Variants in ZNF253 observed in about 807,000 individuals in gnomAD.
The protein encoded by ZNF253 is zinc finger protein 253, also known as DNA-binding protein.
In ZNF253, 8 loss-of-function variants were observed where a neutral mutation model predicts 11.9. The ratio of observed to expected loss-of-function variants is 0.67; its 90% CI spans 0.40 to 1.22. The LOEUF (loss-of-function observed/expected upper bound fraction) is 1.22. Ranked by LOEUF, ZNF253 falls within the 50% of genes most tolerant of loss-of-function variation. The pLI, the probability that ZNF253 is intolerant of heterozygous loss-of-function variation, is 0.01. For synonymous variants in ZNF253, 194 were observed against 194.9 expected, an observed-to-expected ratio of 1.00 and a Z score of 0.04; for missense variants, 485 against 586.9, an observed-to-expected ratio of 0.83 and a Z score of 1.79.
chr19:19,881,722 C>T (rs2063178620), intron 3 of ZNF253, among the ~76,000 whole-genome samples: 1 of 150,306 alleles, frequency 6.7e-6, no homozygotes, highest in Non-Finnish European at 1.5e-5. Context: ...TGCTAATTTA[C>T]TGACTGTATT....
rs961853023 is a variant in ZNF253 at position 19,894,359 on chromosome 19, T to G, written c.*1612T>G. 2.6e-5 allele frequency: 4 copies of G among 152,212 alleles called. No individual in the cohort carries two copies. Among genetic ancestry groups the G allele is most frequent in the Non-Finnish European group, 5.9e-5 (4 of 68,036 alleles). 9.4% of individuals were successfully genotyped at this position (152,212 alleles called of 1,614,324 possible). On this transcript the variant is annotated 3_prime_UTR_variant, in exon 4 of 4. Transcript: ENST00000589717. ...AGCATGTGATCAATTGTTGCTGCAT[T>G]AGAGATATTAGAGATTGTTTTTTAT...
chr19:19,892,982 T>C lies in ZNF253; in HGVS notation c.*235T>C. 1 of 427,324 alleles carries C rather than the reference T, an allele frequency of 2.3e-6. No homozygotes were observed. 26.5% of individuals were successfully genotyped at this position (427,324 alleles called of 1,614,324 possible). On this transcript the variant is annotated 3_prime_UTR_variant, in exon 4 of 4. Transcript: ENST00000589717. ...CTATAAACCTATAACAAGTTCTCAA[T>C]TCCTTTTTTTTTGAGATGGAGTTTC...
At chr19:19,871,441 G>A (rs1343298152) in intron 1 of ZNF253, 1 of 152,214 alleles carries the variant, frequency 6.6e-6, no homozygotes, top group East Asian at 1.9e-4. Context: ...CTGTAGCCCA[G>A]TGCCAGGGAG....
chr19:19,891,898 A>T lies in ZNF253; in HGVS notation c.651A>T (p.Thr217=). 1 of 1,614,044 alleles carries T rather than the reference A, an allele frequency of 6.2e-7. No homozygotes were observed. Reference sequence around the variant, plus strand: ...TTAACCAATCTGCAAACCTTACTACACATAAGAGAATTCATACCGGAGAGA... The same window carrying T: ...TTAACCAATCTGCAAACCTTACTACTCATAAGAGAATTCATACCGGAGAGA... ...KAFNQSANLT[T]HKRIHTGEKP... is the part of the protein sequence containing the mutation. Residue 217 remains threonine (T), a synonymous_variant, in exon 4 of 4, where the codon ACA becomes ACT. Coordinates refer to ENST00000589717, the MANE Select transcript of ZNF253 (RefSeq NM_021047.3).
chr19:19,889,430 T>C (rs866441280), intron 3 of ZNF253, among the ~76,000 whole-genome samples: 6 of 152,146 alleles, frequency 3.9e-5, no homozygotes, highest in Admixed American at 6.5e-5. Flanking sequence ...CACTGTAACC[T>C]ACCCCTCCCA....
intron 2 of ZNF253, among the ~76,000 whole-genome samples, chr19:19,879,783 C>T (rs10415179): frequency 0.37 from 56,931 of 151,968 alleles, 13,005 homozygotes; most frequent in East Asian, 0.66. Context: ...TTAGTGGTAA[C>T]TCCAGAAATT....
rs199902926 is a variant in ZNF253, at chr19:19,866,049, G to A, written c.3+50G>A. 4.3e-6 allele frequency: 7 copies of A among 1,613,136 alleles called. No homozygotes were observed. In the East Asian group the frequency reaches 6.7e-5, roughly 15 times the overall value. On this transcript the variant is annotated intron_variant, in intron 1 of 3. Coordinates refer to ENST00000589717, the MANE Select transcript of ZNF253 (RefSeq NM_021047.3). Reference sequence around the variant, plus strand: ...AGAGAGGGGAGAGGCTGTTTGGAACGGTGGGAAGTGGCTCTGGCGGGACTC... The same window carrying A: ...AGAGAGGGGAGAGGCTGTTTGGAACAGTGGGAAGTGGCTCTGGCGGGACTC...
chr19:19,883,436 A>C (rs2063186119), intron 3 of ZNF253, among the ~76,000 whole-genome samples: 1 of 151,602 alleles, frequency 6.6e-6, no homozygotes, highest in African/African-American at 2.4e-5. Flanking sequence ...ATATATGGAG[A>C]CCTCTCTCTA....
chr19:19,888,963 T>G (rs1290839835), intron 3 of ZNF253, among the ~76,000 whole-genome samples: 1 of 152,164 alleles, frequency 6.6e-6, no homozygotes, highest in African/African-American at 2.4e-5. Context: ...TAGTACAATT[T>G]TGCCGATGGT....
intron 1 of ZNF253, among the ~76,000 whole-genome samples, chr19:19,874,045 A>G (rs2063145005): frequency 6.6e-6 from 1 of 151,982 alleles, no homozygotes; most frequent in South Asian, 2.1e-4. Context: ...AGTGTCCGGG[A>G]TTACAGGTGC....
chr19:19,880,194 C>A, intron 3 of ZNF253, 48 bp downstream of exon 3: 1 of 1,417,398 alleles, frequency 7.1e-7, no homozygotes, highest in Non-Finnish European at 9.7e-7. Flanking sequence ...GATAAAAGGT[C>A]CCAATGTCAA....
chr19:19,868,433 C>T (rs2063120115), intron 1 of ZNF253, among the ~76,000 whole-genome samples: 1 of 152,102 alleles, frequency 6.6e-6, no homozygotes, highest in Admixed American at 6.5e-5. Context: ...ATTCCAGCAC[C>T]ATTTATTAAA....
In ZNF253 at chr19:19,869,903, T is replaced by C. The variant is rs534679187; in HGVS notation, c.3+3904T>C. ...TCAGACTGGTCTCGAACTCCTGACC[T>C]CAGGTGATGCACCTGCTTCAGCCTC... On this transcript the variant is annotated intron_variant, in intron 1 of 3. Coordinates refer to ENST00000589717, the MANE Select transcript of ZNF253 (RefSeq NM_021047.3). Among the ~76,000 whole-genome samples, 13 of 151,842 alleles carry C rather than the reference T, an allele frequency of 8.6e-5. No individual in the cohort carries two copies. In the East Asian group the frequency reaches 1.6e-3, roughly 18 times the overall value.
intron 1 of ZNF253, chr19:19,870,975 T>A (rs1367706662): frequency 2.0e-5 from 3 of 152,152 alleles, no homozygotes; most frequent in African/African-American, 7.2e-5. Context: ...TGAGCTTTTT[T>A]AAAAGATCTT....
At chr19:19,889,377 C>T (rs1223682290) in intron 3 of ZNF253, among the ~76,000 whole-genome samples, 1 of 152,066 alleles carries the variant, frequency 6.6e-6, no homozygotes, top group East Asian at 1.9e-4. Context: ...GACAGAGTCT[C>T]ACTCTGTTGC....
chr19:19,890,541 T>A (rs928455905), intron 3 of ZNF253, among the ~76,000 whole-genome samples: 28 of 148,340 alleles, frequency 1.9e-4, no homozygotes, highest in South Asian at 8.5e-4. Context: ...TGTGTGTGTG[T>A]GACAGAGTCT....
rs2063234437 is a variant in ZNF253, at chr19:19,892,214, C to T, written c.967C>T (p.His323Tyr). The change falls in exon 4 of 4, where the codon CAC (histidine) becomes TAC (tyrosine). Residue 323 changes from histidine to tyrosine, a missense_variant. His to Tyr is a moderately conservative substitution (Grantham distance 83, BLOSUM62 2). This residue lies in a region of ZNF253 where 232 missense variants were observed against 321.4 expected (regional missense o/e 0.72). Transcript: ENST00000589717. Reference sequence around the variant, plus strand: ...TGAAGAATGTGGCAAATCCTTTAAGCACTGCTCTAACCTTACTATACATAA... The same window carrying T: ...TGAAGAATGTGGCAAATCCTTTAAGTACTGCTCTAACCTTACTATACATAA... ...NCEECGKSFK[H>Y]CSNLTIHKRI... 3.7e-6 allele frequency: 6 copies of T among 1,613,326 alleles called. No individual in the cohort carries two copies. The highest frequency in any genetic ancestry group is 5.1e-6 in the Non-Finnish European group (6 of 1,179,742).
intron 1 of ZNF253, among the ~76,000 whole-genome samples, chr19:19,866,704 G>A (rs1266884935): frequency 6.6e-6 from 1 of 152,058 alleles, no homozygotes; most frequent in Non-Finnish European, 1.5e-5. Flanking sequence ...CACCATGTTG[G>A]TCAGGCTGGT....
chr19:19,876,479 A>C (rs1242006898), intron 1 of ZNF253, among the ~76,000 whole-genome samples: 1 of 152,206 alleles, frequency 6.6e-6, no homozygotes, highest in African/African-American at 2.4e-5. Flanking sequence ...TGAGGACAGG[A>C]AAGGAGAAAC....
Sources: gnomAD v4.1 joint callset for allele counts (sites outside exome capture counted in the v4.1 genomes callset) on GRCh38, gnomAD v4.1.1 for gene constraint, gnomAD v4.1.1 regional missense constraint, MANE v1.5 for transcripts, NCBI Gene and HGNC (gene_info 2026-07-23, HGNC 2026-07-21) for gene names.